Variants in PHACTR1 observed in about 807,000 individuals in gnomAD.
PHACTR1 encodes RPEL repeat containing 1.
A neutral mutation model predicts 69.2 loss-of-function variants in PHACTR1; 16 were observed. That is an observed-to-expected ratio of 0.23 (90% confidence interval 0.16 to 0.35). PHACTR1 has a LOEUF of 0.35. Among genes scored for constraint, PHACTR1 ranks in the 10% least tolerant of loss-of-function variants. The pLI is 1.00. For synonymous variants in PHACTR1, 312 were observed against 284.5 expected (o/e 1.10, Z -0.97); for missense variants, 510 against 734.7 (o/e 0.69, Z 3.54).
chr6:13,176,053 G>A (rs1019725055), intron 6 of PHACTR1, among the ~76,000 whole-genome samples: 2 of 152,038 alleles, frequency 1.3e-5, no homozygotes, highest in Non-Finnish European at 2.9e-5. Context: ...GGGGCAAGAG[G>A]GTAGGCAAGC....
At chr6:13,017,761 T>A (rs1800399001) in intron 4 of PHACTR1, among the ~76,000 whole-genome samples, 1 of 152,070 alleles carries the variant, frequency 6.6e-6, no homozygotes, top group Admixed American at 6.5e-5. Flanking sequence ...AATAATTATG[T>A]ATTAAGATGT....
At chr6:13,231,080 G>GGAA (rs1454143721) in intron 10 of PHACTR1, among the ~76,000 whole-genome samples, 495 of 11,326 alleles carry the variant, frequency 0.044, 44 homozygotes, top group Middle Eastern at 0.29. Flanking sequence ...AGGAAGGAAG[G>GGAA]AAGGAAGAAG....
At chr6:13,019,685 T>C (rs563751254) in intron 4 of PHACTR1, among the ~76,000 whole-genome samples, 1 of 152,362 alleles carries the variant, frequency 6.6e-6, no homozygotes, top group South Asian at 2.1e-4. Context: ...TTAAACAATT[T>C]GTGAAATCTA....
chr6:12,957,986 A>T, intron 4 of PHACTR1: 3 of 985,392 alleles, frequency 3.0e-6, no homozygotes, highest in Non-Finnish European at 3.6e-6. Flanking sequence ...CAGGAAACAG[A>T]CCCAGAGAGG....
intron 3 of PHACTR1, among the ~76,000 whole-genome samples, chr6:12,731,192 T>C (rs1008810641): frequency 1.3e-5 from 2 of 151,910 alleles, no homozygotes; most frequent in African/African-American, 2.4e-5. Context: ...ATTTTTGTAT[T>C]TTCAGTAGAG....
chr6:12,933,421 T>A (rs886216836), intron 4 of PHACTR1, among the ~76,000 whole-genome samples: 1 of 152,200 alleles, frequency 6.6e-6, no homozygotes, highest in Admixed American at 6.5e-5. Flanking sequence ...GGGATAATTT[T>A]AAAAACAATC....
At chr6:13,242,684 G>GCTTT (rs1773024816) in intron 10 of PHACTR1, among the ~76,000 whole-genome samples, 1 of 152,134 alleles carries the variant, frequency 6.6e-6, no homozygotes, top group African/African-American at 2.4e-5. Context: ...AATCAACATT[G>GCTTT]CTTTTGCTTT....
chr6:13,180,109 AT>A (rs1761995050), intron 6 of PHACTR1, among the ~76,000 whole-genome samples: 1 of 152,330 alleles, frequency 6.6e-6, no homozygotes, highest in Non-Finnish European at 1.5e-5. Flanking sequence ...AGTTATGCTT[AT>A]AATAGTATGG....
At chr6:13,262,641 C>T (rs1776068980) in intron 10 of PHACTR1, among the ~76,000 whole-genome samples, 1 of 152,148 alleles carries the variant, frequency 6.6e-6, no homozygotes, top group Non-Finnish European at 1.5e-5. Flanking sequence ...CTCATAGGTT[C>T]TCAGGAGGAA....
chr6:12,733,110 C>T (rs1763767300), intron 3 of PHACTR1, among the ~76,000 whole-genome samples: 2 of 152,198 alleles, frequency 1.3e-5, no homozygotes, highest in African/African-American at 4.8e-5. Flanking sequence ...TATTTCTTCT[C>T]CTTATTGTAG....
intron 3 of PHACTR1, among the ~76,000 whole-genome samples, chr6:12,725,628 G>A (rs969973588): frequency 9.8e-5 from 15 of 152,304 alleles, no homozygotes; most frequent in South Asian, 2.1e-4. Context: ...AGGAGACTTT[G>A]GGAATTAAGT....
chr6:12,759,676 A>G (rs1767813829), intron 4 of PHACTR1, among the ~76,000 whole-genome samples: 1 of 152,146 alleles, frequency 6.6e-6, no homozygotes, highest in Non-Finnish European at 1.5e-5. Context: ...CAACCCATGG[A>G]TTATATTTGT....
intron 4 of PHACTR1, among the ~76,000 whole-genome samples, chr6:13,033,464 T>C (rs1802776065): frequency 1.3e-5 from 2 of 152,226 alleles, no homozygotes; most frequent in Non-Finnish European, 2.9e-5. Flanking sequence ...TTGTCTTATA[T>C]GGCCATGCTC....
intron 4 of PHACTR1, among the ~76,000 whole-genome samples, chr6:12,980,214 A>G (rs1406035662): frequency 1.3e-5 from 2 of 152,174 alleles, no homozygotes; most frequent in Non-Finnish European, 2.9e-5. Context: ...AGCATGGAGT[A>G]TGTGTGTATG....
intron 4 of PHACTR1, among the ~76,000 whole-genome samples, chr6:12,808,234 G>A (rs183553212): frequency 6.6e-4 from 101 of 152,176 alleles, no homozygotes; most frequent in Non-Finnish European, 1.2e-3. Flanking sequence ...TTCTTTATCC[G>A]TCTCTTAAAT....
intron 10 of PHACTR1, among the ~76,000 whole-genome samples, chr6:13,247,170 TTGAAAAGAAATAGGTAGAC>T (rs1283190181): frequency 6.6e-6 from 1 of 152,082 alleles, no homozygotes; most frequent in Non-Finnish European, 1.5e-5. Context: ...TTTAGTGTCT[TTGAAAAGAAATAGGTAGAC>T]AGATAAACAG....
chr6:12,819,062 T>C (rs559053681), intron 4 of PHACTR1, among the ~76,000 whole-genome samples: 1 of 152,346 alleles, frequency 6.6e-6, no homozygotes, highest in South Asian at 2.1e-4. Context: ...AGCATTGACT[T>C]ATGGTGACTT....
chr6:13,227,113 C>T lies in PHACTR1; in HGVS notation c.987-703C>T, dbSNP rs117352281. On this transcript the variant is annotated intron_variant, in intron 8 of 14. Transcript: ENST00000332995. ...GAGGTAGAACCAAAAACATCATCCTCGATGCCTCTTAGAAAACTGACCTGC... is the reference window on the plus strand; with the variant it reads ...GAGGTAGAACCAAAAACATCATCCTTGATGCCTCTTAGAAAACTGACCTGC... Among the ~76,000 whole-genome samples the T allele has an allele frequency of 4.3e-3, 649 of 152,276 alleles. 27 individuals carry two copies. The East Asian group carries it at 0.097, about 23-fold the overall frequency.
intron 8 of PHACTR1, among the ~76,000 whole-genome samples, chr6:13,225,220 T>G (rs1436373534): frequency 6.6e-6 from 1 of 152,234 alleles, no homozygotes; most frequent in Non-Finnish European, 1.5e-5. Context: ...ATTAATAGAA[T>G]GTTTTACAAT....
Sources: gnomAD v4.1 joint callset for allele counts (sites outside exome capture counted in the v4.1 genomes callset) on GRCh38, gnomAD v4.1.1 for gene constraint, MANE v1.5 for transcripts, NCBI Gene and HGNC (gene_info 2026-07-23, HGNC 2026-07-21) for gene names.